Variants in TNS1 observed in about 807,000 individuals in gnomAD.
TNS1 encodes the protein tensin 1.
A neutral mutation model predicts 168.6 loss-of-function variants in TNS1; 62 were observed. The observed-to-expected ratio is 0.37, with a 90% CI of 0.30 to 0.45. The LOEUF (loss-of-function observed/expected upper bound fraction) is 0.45, where lower values mean the gene tolerates loss of function less well. TNS1 is among the 20% of genes least tolerant of loss of function. The pLI is 1.00. For synonymous variants in TNS1, 934 were observed against 933.2 expected (o/e 1.00, Z -0.02); for missense variants, 2,240 against 2,339.4 (o/e 0.96, Z 0.88).
At chr2:218,002,426 C>T (rs1418881299) in intron 1 of TNS1, among the ~76,000 whole-genome samples, 1 of 152,226 alleles carries the variant, frequency 6.6e-6, no homozygotes, top group African/African-American at 2.4e-5. Flanking sequence ...TGCTCCCCAG[C>T]CCCACCACTG....
intron 3 of TNS1, among the ~76,000 whole-genome samples, chr2:217,926,403 GT>G (rs1956030225): frequency 6.6e-6 from 1 of 152,130 alleles, no homozygotes; most frequent in Non-Finnish European, 1.5e-5. Context: ...ACCACTTCGT[GT>G]TTTTCTATTC....
rs1958910058 is a variant in TNS1 at position 218,032,992 on chromosome 2, C to CTCCCTG, written c.156+822_156+827dup. The stretch of plus-strand genomic sequence containing the variant: ...GGCTCCTCCCTCCATCACAGCCCCA[C>CTCCCTG]TCCCTGTCCCTGTCCCTGCCCACCT... On this transcript the variant is annotated intron_variant, in intron 1 of 1. Coordinates refer to the TNS1 transcript ENST00000649572. This position sits in a 1 kb window ranked among gnomAD's most constrained non-coding sequence, Gnocchi z 4.0. Among the ~76,000 whole-genome samples, 1 of 152,208 alleles carries CTCCCTG rather than the reference C, an allele frequency of 6.6e-6. No homozygotes were observed. Among genetic ancestry groups the CTCCCTG allele is most frequent in the Non-Finnish European group, 1.5e-5 (1 of 68,034 alleles).
chr2:217,851,107 C>T (rs907508631), intron 18 of TNS1, among the ~76,000 whole-genome samples: 2 of 149,862 alleles, frequency 1.3e-5, no homozygotes, highest in Non-Finnish European at 3.0e-5. Context: ...TTATGCTACA[C>T]CTCCCTCATA....
chr2:217,977,670 A>T (rs953463487), intron 3 of TNS1, among the ~76,000 whole-genome samples: 35 of 152,212 alleles, frequency 2.3e-4, no homozygotes, highest in Non-Finnish European at 2.8e-4. Context: ...TAGGCTTCTT[A>T]TTCCCATATC....
chr2:217,984,079 C>T (rs189306667), intron 2 of TNS1, among the ~76,000 whole-genome samples: 45 of 152,340 alleles, frequency 3.0e-4, no homozygotes, highest in African/African-American at 1.0e-3. Context: ...TGCCAGCACA[C>T]GGCTCTGGAC....
At chr2:217,966,663 T>C (rs1957650092) in intron 3 of TNS1, among the ~76,000 whole-genome samples, 1 of 152,176 alleles carries the variant, frequency 6.6e-6, no homozygotes, top group African/African-American at 2.4e-5. Flanking sequence ...AGGAGTATGC[T>C]GAACAGGCTC....
At position 217,827,354 on chromosome 2, in the gene TNS1, T is replaced by C. The variant is rs114004595; in HGVS notation, c.3373+4101A>G. 5.2e-3 allele frequency among the ~76,000 whole-genome samples: 798 copies of C among 152,296 alleles called. 9 individuals carry two copies. The highest frequency in any genetic ancestry group is 0.018 in the African/African-American group (767 of 41,550). On this transcript the variant is annotated intron_variant, in intron 22 of 32. Transcript: ENST00000682258. ...TCTGGCCATTTTTGCCTCACTGGCA[T>C]TTTTTTCTGAATTTCCCATCAAAGT... is the stretch of plus-strand genomic sequence containing the variant.
rs746547539 is a variant in TNS1, at chr2:217,818,437, A to G, written c.3895T>C (p.Phe1299Leu). 4.3e-6 allele frequency: 7 copies of G among 1,614,094 alleles called. No individual in the cohort carries two copies. The South Asian group carries it at 6.6e-5, about 15-fold the overall frequency. The change falls in exon 24 of 33, where the codon TTC becomes CTC. Residue 1299 changes from phenylalanine to leucine, a missense_variant. Phe to Leu is a conservative substitution (Grantham distance 22). This residue lies in a region of TNS1 where 2,131 missense variants were observed against 2,171.2 expected (regional missense o/e 0.98). Transcript: ENST00000682258. ...VGTNTPPSPG[F>L]GWRAINPSMA... ...CTGGGATTGATGGCCCGCCAGCCGA[A>G]GCCAGGACTAGGGGGAGTGTTGGTG...
intron 3 of TNS1, among the ~76,000 whole-genome samples, chr2:217,936,557 A>T (rs1176563533): frequency 6.6e-6 from 1 of 152,088 alleles, no homozygotes; most frequent in Non-Finnish European, 1.5e-5. Flanking sequence ...GATTCCAGGA[A>T]CCCAGGCCCT....
At chr2:217,892,176 C>T (rs1951810817) in intron 11 of TNS1, among the ~76,000 whole-genome samples, 1 of 152,174 alleles carries the variant, frequency 6.6e-6, no homozygotes, top group Admixed American at 6.5e-5. Context: ...TGGCTTACTG[C>T]AACCTCCCTG....
chr2:218,029,625 C>A (rs1958876917), intron 1 of TNS1, among the ~76,000 whole-genome samples: 1 of 152,250 alleles, frequency 6.6e-6, no homozygotes, highest in Admixed American at 6.5e-5. Flanking sequence ...AAGTTCACAA[C>A]CATGATATTG....
Position 217,848,983 on chromosome 2 carries a change from G to A in TNS1, c.1534C>T (p.Pro512Ser). 6.2e-7 allele frequency: 1 copy of A among 1,614,096 alleles called. No individual in the cohort carries two copies. Among genetic ancestry groups the A allele is most frequent in the Non-Finnish European group, 8.5e-7 (1 of 1,180,006 alleles). Residue 512 changes from proline (P) to serine (S), a missense_variant, in exon 19 of 33, where the codon CCT (proline) becomes TCT (serine). Transcript: ENST00000682258. ...TGGTTGGGGGTGGCCGACAGTGTAG[G>A]ACGTGTGGCATTAACAGCCCCGGTG... ...GSTGAVNATR[P>S]TLSATPNHVE...
chr2:217,894,839 TG>T (rs1952110107), intron 9 of TNS1, among the ~76,000 whole-genome samples, 166 bp downstream of exon 9: 1 of 152,132 alleles, frequency 6.6e-6, no homozygotes, highest in Admixed American at 6.5e-5. Context: ...TTTCTGTAAT[TG>T]GCATTGTGGA....
In TNS1 at chr2:217,813,221, T is replaced by C. The variant is rs1248701399; in HGVS notation, c.4948A>G (p.Asn1650Asp). The change falls in exon 27 of 33, where the codon AAC becomes GAC. Residue 1650 changes from asparagine to aspartate, a missense_variant. Transcript: ENST00000682258. This position sits in a 1 kb window ranked among gnomAD's most constrained non-coding sequence, Gnocchi z 4.0. ...VKLKGCPNEP[N>D]FGSLSALVYQ... is the part of the protein sequence containing the mutation. ...GGGCAGGGGGACAGCTCACCGAAGT[T>C]TGGCTCATTGGGGCAGCCCTTGAGC... is the stretch of plus-strand genomic sequence containing the variant. The C allele has an allele frequency of 6.2e-7, 1 of 1,602,028 alleles. No individual in the cohort carries two copies. The highest frequency in any genetic ancestry group is 1.3e-5 in the African/African-American group (1 of 74,652).
intron 18 of TNS1, among the ~76,000 whole-genome samples, chr2:217,870,608 G>T (rs186567524): frequency 1.3e-5 from 2 of 152,140 alleles, no homozygotes; most frequent in Admixed American, 6.5e-5. Context: ...CCCCTGCCTC[G>T]ATCTGGATAT....
At chr2:217,933,842 A>C (rs2125913314) in intron 3 of TNS1, among the ~76,000 whole-genome samples, 1 of 152,278 alleles carries the variant, frequency 6.6e-6, no homozygotes, top group Non-Finnish European at 1.5e-5. Context: ...CAGGTGCACA[A>C]ACAATAGGGT....
At chr2:217,849,688 T>C (rs977064831) in intron 18 of TNS1, 3 of 985,322 alleles carry the variant, frequency 3.0e-6, no homozygotes, top group Admixed American at 1.2e-4. Flanking sequence ...CCTGCTTCGA[T>C]GTCTGGAGTT....
intron 23 of TNS1, among the ~76,000 whole-genome samples, chr2:217,820,605 G>A (rs1304059332): frequency 6.6e-6 from 1 of 152,160 alleles, no homozygotes; most frequent in Admixed American, 6.5e-5. Flanking sequence ...GAGGGCAGTG[G>A]GCACGGCGAA....
chr2:217,864,789 C>T (rs934356485), intron 18 of TNS1, among the ~76,000 whole-genome samples: 1 of 152,218 alleles, frequency 6.6e-6, no homozygotes, highest in African/African-American at 2.4e-5. Context: ...CAAGTGAGGT[C>T]AATCACTATT....
Sources: allele counts gnomAD v4.1 joint callset (sites outside exome capture counted in the v4.1 genomes callset), GRCh38; gene constraint gnomAD v4.1.1; regional missense constraint gnomAD v4.1.1; non-coding constraint Gnocchi (gnomAD v3.1); transcripts MANE v1.5; gene names NCBI Gene and HGNC (gene_info 2026-07-23, HGNC 2026-07-21).